Variants in SEPTIN9 observed in about 807,000 individuals in gnomAD.
SEPTIN9 encodes the protein septin-9.
SEPTIN9 carries 13 observed loss-of-function variants against 56.6 expected under a neutral mutation model. The observed-to-expected ratio is 0.23, with a 90% CI of 0.15 to 0.37. SEPTIN9 has a LOEUF of 0.37. Among genes scored for constraint, SEPTIN9 ranks in the 10% least tolerant of loss-of-function variants. SEPTIN9 has a pLI of 1.00. For missense variants in SEPTIN9, 650 were observed against 823.1 expected, an observed-to-expected ratio of 0.79 and a Z score of 2.57; for synonymous variants, 332 against 334.1, an observed-to-expected ratio of 0.99 and a Z score of 0.07.
intron 2 of SEPTIN9, among the ~76,000 whole-genome samples, chr17:77,341,018 C>T (rs1346431216): frequency 6.6e-6 from 1 of 152,250 alleles, no homozygotes; most frequent in Non-Finnish European, 1.5e-5. Flanking sequence ...ATTTGATCTT[C>T]TATCCAGACC....
chr17:77,289,249 A>G (rs1314228388), intron 1 of SEPTIN9, among the ~76,000 whole-genome samples: 1 of 99,460 alleles, frequency 1.0e-5, no homozygotes, highest in Non-Finnish European at 2.1e-5. Context: ...GGCACGCGCC[A>G]CCATGCCTGG....
chr17:77,495,698 G>A (rs140008949), intron 10 of SEPTIN9, among the ~76,000 whole-genome samples: 283 of 152,322 alleles, frequency 1.9e-3, no homozygotes, highest in African/African-American at 6.5e-3. Context: ...AGTGTTAGAT[G>A]AGAGTGCTGC....
chr17:77,331,531 C>T (rs1022701219), intron 2 of SEPTIN9, among the ~76,000 whole-genome samples: 41 of 152,156 alleles, frequency 2.7e-4, no homozygotes, highest in Admixed American at 4.6e-4. Context: ...GGCAGGGAGG[C>T]GGGTGGCAGC....
rs1381556116 is a variant in SEPTIN9 at position 77,492,052 on chromosome 17, C to G, written c.1381-569C>G. Among the ~76,000 whole-genome samples the G allele has an allele frequency of 3.3e-5, 5 of 152,074 alleles. No homozygotes were observed. The highest frequency in any genetic ancestry group is 2.6e-4 in the Admixed American group (4 of 15,286). On this transcript the variant is annotated intron_variant, in intron 8 of 11. Coordinates refer to ENST00000427177, the MANE Select transcript of SEPTIN9 (RefSeq NM_001113491.2). This position sits in a 1 kb window ranked among gnomAD's most constrained non-coding sequence, Gnocchi z 5.4. ...TGTGGGTGGGGCCTGTAACCTACTC[C>G]GTCCTGGGGCCAGGTGTCAGGGACC...
intron 1 of SEPTIN9, among the ~76,000 whole-genome samples, chr17:77,283,689 A>G (rs1054923841): frequency 5.3e-5 from 8 of 152,188 alleles, no homozygotes; most frequent in Non-Finnish European, 7.3e-5. Flanking sequence ...GAATGACCAT[A>G]ATGTTGTTCC....
intron 2 of SEPTIN9, among the ~76,000 whole-genome samples, chr17:77,340,820 C>T (rs887635569): frequency 8.5e-5 from 13 of 152,360 alleles, no homozygotes; most frequent in South Asian, 2.1e-4. Flanking sequence ...TCTCCATCAG[C>T]ACCTGCTGCT....
At position 77,456,769 on chromosome 17, in the gene SEPTIN9, G is replaced by A. The variant is rs1297607677; in HGVS notation, c.722-25375G>A. Among the ~76,000 whole-genome samples, 2 of 151,190 alleles carry A rather than the reference G, an allele frequency of 1.3e-5. No individual in the cohort carries two copies. Among genetic ancestry groups the A allele is most frequent in the African/African-American group, 4.9e-5 (2 of 41,070 alleles). On this transcript the variant is annotated intron_variant, in intron 3 of 11. Transcript: ENST00000427177. This position sits in a 1 kb window ranked among gnomAD's most constrained non-coding sequence, Gnocchi z 6.0. Reference sequence around the variant, plus strand: ...GCACCGGGTACCCACAGCCAGGGACGGGTCCCCATGGCCAGTACCAGGTCT... The same window carrying A: ...GCACCGGGTACCCACAGCCAGGGACAGGTCCCCATGGCCAGTACCAGGTCT...
At chr17:77,461,481 G>T (rs932794117) in intron 3 of SEPTIN9, among the ~76,000 whole-genome samples, 2 of 152,118 alleles carry the variant, frequency 1.3e-5, no homozygotes, top group African/African-American at 4.8e-5. Flanking sequence ...CTAGACTCGG[G>T]CTGGAGGCTG....
At position 77,490,693 on chromosome 17, in the gene SEPTIN9, C is replaced by A. The variant is rs116189645; in HGVS notation, c.1263-49C>A. 1.9e-3 allele frequency: 2,646 copies of A among 1,409,814 alleles called. 38 individuals are homozygous for A. In the African/African-American group the frequency reaches 0.032, roughly 17 times the overall value. 87.3% of individuals were successfully genotyped at this position (1,409,814 alleles called of 1,614,324 possible). A position where few individuals can be genotyped will look rare whatever the true frequency, so the allele number is the denominator to read the frequency against. On this transcript the variant is annotated intron_variant, in intron 7 of 11. Coordinates refer to ENST00000427177, the MANE Select transcript of SEPTIN9 (RefSeq NM_001113491.2). ...ACCTGCTTGGGGGTGGGTGCCCCCC[C>A]ACTGCCCCGCTCCCCCAGATGAGCC... is the stretch of plus-strand genomic sequence containing the variant.
intron 2 of SEPTIN9, among the ~76,000 whole-genome samples, chr17:77,337,025 A>G (rs990190023): frequency 6.7e-6 from 1 of 148,752 alleles, no homozygotes; most frequent in Non-Finnish European, 1.5e-5. Flanking sequence ...TTTTAAAGAA[A>G]CAGAGTCTCA....
intron 2 of SEPTIN9, among the ~76,000 whole-genome samples, chr17:77,339,907 C>G (rs896073131): frequency 6.6e-6 from 1 of 151,930 alleles, no homozygotes; most frequent in African/African-American, 2.4e-5. Flanking sequence ...CTCACCGCAG[C>G]CTCCGCCTCC....
chr17:77,361,561 A>G (rs1374105785), intron 2 of SEPTIN9, among the ~76,000 whole-genome samples: 1 of 151,824 alleles, frequency 6.6e-6, no homozygotes, highest in Non-Finnish European at 1.5e-5. Flanking sequence ...CCCCAATTGG[A>G]CAAAGCTGTT....
intron 1 of SEPTIN9, among the ~76,000 whole-genome samples, chr17:77,297,626 G>T (rs2031875353): frequency 6.6e-6 from 1 of 152,142 alleles, no homozygotes; most frequent in African/African-American, 2.4e-5. Flanking sequence ...GTTCTTTCAG[G>T]CTCCTTCCAG....
At chr17:77,471,969 C>A (rs919122777) in intron 3 of SEPTIN9, among the ~76,000 whole-genome samples, 2 of 151,692 alleles carry the variant, frequency 1.3e-5, no homozygotes, top group South Asian at 2.1e-4. Flanking sequence ...AATAGCCCCC[C>A]CCACCACACA....
intron 3 of SEPTIN9, among the ~76,000 whole-genome samples, chr17:77,459,283 A>G (rs552165403): frequency 3.9e-5 from 6 of 152,074 alleles, no homozygotes; most frequent in African/African-American, 1.4e-4. Flanking sequence ...GCCTGGTGCC[A>G]CCTCCCCAGA....
At chr17:77,347,809 A>G (rs928735124) in intron 2 of SEPTIN9, among the ~76,000 whole-genome samples, 56 of 152,150 alleles carry the variant, frequency 3.7e-4, no homozygotes, top group African/African-American at 1.3e-3. Flanking sequence ...CTTACATGAG[A>G]TAGTCAACAC....
At chr17:77,458,718 G>A (rs1184357522) in intron 3 of SEPTIN9, among the ~76,000 whole-genome samples, 2 of 152,168 alleles carry the variant, frequency 1.3e-5, no homozygotes, top group Admixed American at 6.5e-5. Flanking sequence ...GCTGAGTGGC[G>A]GGCGGGAAGT....
intron 3 of SEPTIN9, among the ~76,000 whole-genome samples, chr17:77,430,895 G>A (rs2037103123): frequency 6.6e-6 from 1 of 152,072 alleles, no homozygotes; most frequent in Non-Finnish European, 1.5e-5. Context: ...GGAGGCTGAG[G>A]CAGGAGAATC....
intron 3 of SEPTIN9, 194 bp from the exon 4 acceptor site, chr17:77,481,949 CA>C: frequency 1.7e-6 from 1 of 603,472 alleles, no homozygotes; most frequent in Non-Finnish European, 2.9e-6. Flanking sequence ...TGCAGGATGG[CA>C]GCTTTTTAGA....
Sources: gnomAD v4.1 joint callset for allele counts (sites outside exome capture counted in the v4.1 genomes callset) on GRCh38, gnomAD v4.1.1 for gene constraint, Gnocchi (gnomAD v3.1) non-coding constraint, MANE v1.5 for transcripts, NCBI Gene and HGNC (gene_info 2026-07-23, HGNC 2026-07-21) for gene names.